The following TOP6BL variants were observed in gnomAD, a reference collection of about 807,000 sequenced individuals.
TOP6BL encodes TOP6B like initiator of meiotic double strand breaks.
the TOP6BL span, among the ~76,000 whole-genome samples, chr11:66,753,244 T>C: frequency 6.6e-6 from 1 of 152,182 alleles, no homozygotes. Context: ...TTTTGTTTTA[T>C]GCTATCTCTG....
chr11:66,806,815 G>A, the TOP6BL span, among the ~76,000 whole-genome samples: 2 of 152,276 alleles, frequency 1.3e-5, no homozygotes, highest in African/African-American at 4.8e-5. Context: ...GCTATCTGAT[G>A]TTGCATATCA....
At chr11:66,768,438 C>T in the TOP6BL span, among the ~76,000 whole-genome samples, 1 of 152,080 alleles carries the variant, frequency 6.6e-6, no homozygotes, top group African/African-American at 2.4e-5. Flanking sequence ...TTATCATCAT[C>T]TCTGTTTCAG....
At chr11:66,753,233 A>G in the TOP6BL span, among the ~76,000 whole-genome samples, 1 of 152,140 alleles carries the variant, frequency 6.6e-6, no homozygotes, top group East Asian at 1.9e-4. Flanking sequence ...GCAGGCAAGT[A>G]TTTTGTTTTA....
At chr11:66,744,873 G>C in the TOP6BL span, 1 of 1,302,988 alleles carries the variant, frequency 7.7e-7, no homozygotes, top group South Asian at 2.7e-5. Flanking sequence ...GGGCGTTGCC[G>C]CTGTTCCCTG....
At chr11:66,843,452 C>A in the TOP6BL span, 4 of 1,404,406 alleles carry the variant, frequency 2.8e-6, no homozygotes, top group Admixed American at 3.6e-5. Context: ...CGGGTCAGGG[C>A]GCAATGGCGG....
the TOP6BL span, among the ~76,000 whole-genome samples, chr11:66,803,552 C>G: frequency 6.6e-6 from 1 of 152,318 alleles, no homozygotes; most frequent in East Asian, 1.9e-4. Context: ...CCTCAGCCTC[C>G]TGAATAGCTG....
the TOP6BL span, among the ~76,000 whole-genome samples, chr11:66,819,434 A>G: frequency 6.6e-6 from 1 of 152,348 alleles, no homozygotes; most frequent in South Asian, 2.1e-4. Context: ...ATACATTAAC[A>G]TAGCAATAGC....
the TOP6BL span, among the ~76,000 whole-genome samples, chr11:66,830,578 G>A: frequency 1.4e-4 from 22 of 151,924 alleles, no homozygotes; most frequent in African/African-American, 5.3e-4. Context: ...GAAAAACAAT[G>A]GAGAAAAATC....
the TOP6BL span, among the ~76,000 whole-genome samples, chr11:66,829,763 C>T: frequency 6.6e-6 from 1 of 152,074 alleles, no homozygotes; most frequent in Non-Finnish European, 1.5e-5. Context: ...GTGGCACATG[C>T]CTGTAGTCCC....
At chr11:66,803,922 A>T in the TOP6BL span, 1 of 1,314,918 alleles carries the variant, frequency 7.6e-7, no homozygotes, top group African/African-American at 1.5e-5. Context: ...TTACAAAAAT[A>T]ATTTTGAATG....
At chr11:66,791,258 T>TCATTA in the TOP6BL span, among the ~76,000 whole-genome samples, 1 of 152,152 alleles carries the variant, frequency 6.6e-6, no homozygotes, top group Non-Finnish European at 1.5e-5. Flanking sequence ...GGAGAGATAT[T>TCATTA]GGGTTTTGTG....
chr11:66,764,742 C>T, the TOP6BL span, among the ~76,000 whole-genome samples: 1 of 151,366 alleles, frequency 6.6e-6, no homozygotes, highest in Non-Finnish European at 1.5e-5. Context: ...CTGTGGGAGA[C>T]TGAGGTAGGC....
chr11:66,748,197 C>G, the TOP6BL span, among the ~76,000 whole-genome samples: 2 of 152,166 alleles, frequency 1.3e-5, no homozygotes, highest in African/African-American at 4.8e-5. Flanking sequence ...TTATGTCACT[C>G]TCCTAGCTAT....
At chr11:66,794,852 G>A in the TOP6BL span, among the ~76,000 whole-genome samples, 2 of 152,144 alleles carry the variant, frequency 1.3e-5, no homozygotes, top group South Asian at 4.1e-4. Flanking sequence ...CAAAGAAGGG[G>A]CCAGGCGCAG....
the TOP6BL span, chr11:66,821,648 T>C: frequency 1.9e-6 from 3 of 1,605,986 alleles, no homozygotes; most frequent in Non-Finnish European, 2.6e-6. Context: ...CTTAGGAGTC[T>C]ATACTTTGCT....
the TOP6BL span, among the ~76,000 whole-genome samples, chr11:66,842,633 T>C: frequency 6.6e-6 from 1 of 152,012 alleles, no homozygotes; most frequent in Non-Finnish European, 1.5e-5. Flanking sequence ...ATCTCCCGCC[T>C]GGGTGAGAGA....
chr11:66,808,169 G>A, the TOP6BL span, among the ~76,000 whole-genome samples: 5 of 152,196 alleles, frequency 3.3e-5, no homozygotes, highest in East Asian at 1.9e-4. Context: ...ATGAACAAGA[G>A]CTAGCAAAAA....
chr11:66,774,819 T>C, the TOP6BL span, among the ~76,000 whole-genome samples: 1 of 151,276 alleles, frequency 6.6e-6, no homozygotes, highest in Non-Finnish European at 1.5e-5. Context: ...GTTTTATAAT[T>C]AGTTAAGTTC....
the TOP6BL span, among the ~76,000 whole-genome samples, chr11:66,788,931 A>G: frequency 2.6e-5 from 4 of 152,074 alleles, no homozygotes; most frequent in Non-Finnish European, 4.4e-5. Context: ...GCTCTGGTGT[A>G]TCTTTTTATA....
Sources: allele counts gnomAD v4.1 joint callset (sites outside exome capture counted in the v4.1 genomes callset), GRCh38; gene constraint gnomAD v4.1.1; transcripts MANE v1.5; gene names NCBI Gene and HGNC (gene_info 2026-07-23, HGNC 2026-07-21).